SPRED1: variants seen among roughly 807,000 people sequenced by gnomAD.
The protein encoded by SPRED1 is sprouty-related, EVH1 domain-containing protein 1.
A neutral mutation model predicts 52.3 loss-of-function variants in SPRED1; 18 were observed. The observed-to-expected ratio is 0.34, with a 90% CI of 0.24 to 0.51. The LOEUF (loss-of-function observed/expected upper bound fraction) is 0.51, where lower values mean the gene tolerates loss of function less well. SPRED1 is among the 20% of genes least tolerant of loss of function. The pLI is 0.97. For synonymous variants in SPRED1, 155 were observed against 179.7 expected (o/e 0.86, Z 1.10); for missense variants, 485 against 551.0 (o/e 0.88, Z 1.20).
At chr15:38,291,564 C>T (rs959436025) in intron 1 of SPRED1, among the ~76,000 whole-genome samples, 3 of 152,216 alleles carry the variant, frequency 2.0e-5, no homozygotes, top group Admixed American at 6.5e-5. Context: ...CCAGGTGTTT[C>T]CATATATCTT....
chr15:38,273,800 G>A (rs371196498), intron 1 of SPRED1, among the ~76,000 whole-genome samples: 5 of 152,168 alleles, frequency 3.3e-5, no homozygotes, highest in East Asian at 3.9e-4. Context: ...GAAGACGAAG[G>A]GAGGATTTTA....
intron 4 of SPRED1, among the ~76,000 whole-genome samples, chr15:38,329,913 T>C (rs1895776120): frequency 6.6e-6 from 1 of 152,184 alleles, no homozygotes; most frequent in African/African-American, 2.4e-5. Flanking sequence ...TGATCTTAGC[T>C]ATTACATTAT....
chr15:38,310,211 G>T (rs1335658813), intron 2 of SPRED1, among the ~76,000 whole-genome samples: 1 of 149,678 alleles, frequency 6.7e-6, no homozygotes, highest in Non-Finnish European at 1.5e-5. Context: ...CGCGATCTCG[G>T]CTCATTGCAA....
At chr15:38,335,175 C>T (rs1000419176) in intron 4 of SPRED1, among the ~76,000 whole-genome samples, 3 of 151,988 alleles carry the variant, frequency 2.0e-5, no homozygotes, top group African/African-American at 7.2e-5. Flanking sequence ...TTTCTATGTA[C>T]TGTGTAAATT....
intron 1 of SPRED1, 35 bp from the exon 2 acceptor site, chr15:38,299,338 G>GA: frequency 1.2e-6 from 2 of 1,612,584 alleles, no homozygotes; most frequent in Non-Finnish European, 1.7e-6. Context: ...TTTGTTTATG[G>GA]AAAAGCTAAT....
At position 38,351,250 on chromosome 15, in the gene SPRED1, CTCTGTGGTATTTAAGACGCAGCCT is replaced by C; in HGVS notation, c.924_947del (p.Val309_Ser316del). ...AGACTAAGTTAAGTTCACCCAAAGA[CTCTGTGGTATTTAAGACGCAGCCT>C]TCCTCATTAAAAATTAAGAAGTCAA... On this transcript the variant is annotated inframe_deletion, in exon 7 of 7. Transcript: ENST00000299084. 6.2e-7 allele frequency: 1 copy of C among 1,614,094 alleles called. No homozygotes were observed. The highest frequency in any genetic ancestry group is 8.5e-7 in the Non-Finnish European group (1 of 1,180,010).
chr15:38,310,115 T>TTGTGTGTGTGTG (rs767218956), intron 2 of SPRED1, among the ~76,000 whole-genome samples: 7 of 23,186 alleles, frequency 3.0e-4, no homozygotes, highest in Non-Finnish European at 5.8e-4. Flanking sequence ...AGACTATTCT[T>TTGTGTGTGTGTG]TGTGTGTGTG....
At chr15:38,324,689 TAATC>T in intron 3 of SPRED1, 70 bp from the exon 4 acceptor site, 1 of 1,139,222 alleles carries the variant, frequency 8.8e-7, no homozygotes, top group Non-Finnish European at 1.3e-6. Context: ...TATAATGACA[TAATC>T]AATTAGTCAT....
At chr15:38,343,236 A>G (rs1896063690) in intron 5 of SPRED1, among the ~76,000 whole-genome samples, 1 of 152,138 alleles carries the variant, frequency 6.6e-6, no homozygotes, top group African/African-American at 2.4e-5. Flanking sequence ...GAGAGGAAAC[A>G]AAGATGATGT....
chr15:38,277,306 C>G (rs946119176), intron 1 of SPRED1, among the ~76,000 whole-genome samples: 3 of 152,048 alleles, frequency 2.0e-5, no homozygotes, highest in South Asian at 4.1e-4. Flanking sequence ...GTGTCTGTTC[C>G]CTTCTTTGTG....
intron 2 of SPRED1, among the ~76,000 whole-genome samples, chr15:38,319,122 A>G (rs1180978099): frequency 6.6e-6 from 1 of 152,146 alleles, no homozygotes; most frequent in Non-Finnish European, 1.5e-5. Flanking sequence ...AACTAGAATC[A>G]AACTGTTTTT....
Position 38,323,260 on chromosome 15 carries a change from A to G in SPRED1, c.376+851A>G, listed in dbSNP as rs1200840946. On this transcript the variant is annotated intron_variant, in intron 3 of 6. Coordinates refer to ENST00000299084, the MANE Select transcript of SPRED1 (RefSeq NM_152594.3). ...TTGTACAAATCTGTTTTGATAGTGC[A>G]TAAAACTGTAGTTAAGTAATTTATT... Among the ~76,000 whole-genome samples the G allele has an allele frequency of 2.0e-5, 3 of 152,194 alleles. No homozygotes were observed. In the East Asian group the frequency reaches 5.8e-4, roughly 29 times the overall value.
chr15:38,329,598 A>G (rs545110271), intron 4 of SPRED1, among the ~76,000 whole-genome samples: 2 of 152,166 alleles, frequency 1.3e-5, no homozygotes, highest in African/African-American at 2.4e-5. Context: ...TTATTGCCCA[A>G]TAAGAGAGCA....
rs961981285 is a variant in SPRED1 at position 38,356,824 on chromosome 15, A to G, written c.*5160A>G. Reference sequence around the variant, plus strand: ...CAAAAATAACGAATAATCTAAAGGAAAGGTTATTAGGACAGTAATAAAAAA... The same window carrying G: ...CAAAAATAACGAATAATCTAAAGGAGAGGTTATTAGGACAGTAATAAAAAA... On this transcript the variant is annotated 3_prime_UTR_variant, in exon 7 of 7. Coordinates refer to ENST00000299084, the MANE Select transcript of SPRED1 (RefSeq NM_152594.3). 1 of 152,108 alleles carries G rather than the reference A, an allele frequency of 6.6e-6. No individual in the cohort carries two copies. Among genetic ancestry groups the G allele is most frequent in the Non-Finnish European group, 1.5e-5 (1 of 67,974 alleles). 9.4% of individuals were successfully genotyped at this position (152,108 alleles called of 1,614,324 possible). A position where few individuals can be genotyped will look rare whatever the true frequency, so the allele number is the denominator to read the frequency against.
chr15:38,316,450 C>T (rs1158310565), intron 2 of SPRED1, among the ~76,000 whole-genome samples: 2 of 151,940 alleles, frequency 1.3e-5, no homozygotes, highest in African/African-American at 4.8e-5. Flanking sequence ...AAAATATTTA[C>T]CTTGCTAGTA....
chr15:38,304,127 A>G (rs756002850), intron 2 of SPRED1, among the ~76,000 whole-genome samples: 1 of 152,228 alleles, frequency 6.6e-6, no homozygotes, highest in Non-Finnish European at 1.5e-5. Flanking sequence ...TAGGAAGAAA[A>G]TAATGTGGTT....
At position 38,355,544 on chromosome 15, in the gene SPRED1, T is replaced by C. The variant is rs1888599521; in HGVS notation, c.*3880T>C. On this transcript the variant is annotated 3_prime_UTR_variant, in exon 7 of 7. Coordinates refer to ENST00000299084, the MANE Select transcript of SPRED1 (RefSeq NM_152594.3). The stretch of plus-strand genomic sequence containing the variant: ...AATGTGCTTTCCTCTAAATGGTCAA[T>C]GTAAAGAATCTTAAGGATATTTCTT... 6.6e-6 allele frequency: 1 copy of C among 152,222 alleles called. No homozygotes were observed. Among genetic ancestry groups the C allele is most frequent in the African/African-American group, 2.4e-5 (1 of 41,464 alleles). 9.4% of individuals were successfully genotyped at this position (152,222 alleles called of 1,614,324 possible).
At chr15:38,275,408 C>T (rs372278449) in intron 1 of SPRED1, among the ~76,000 whole-genome samples, 104 of 152,282 alleles carry the variant, frequency 6.8e-4, no homozygotes, top group African/African-American at 2.4e-3. Flanking sequence ...CTTAAAGAAG[C>T]TCTAGTTCCT....
At chr15:38,304,977 T>C (rs985046045) in intron 2 of SPRED1, among the ~76,000 whole-genome samples, 4 of 152,228 alleles carry the variant, frequency 2.6e-5, no homozygotes, top group Non-Finnish European at 5.9e-5. Context: ...CTAAGTTTTT[T>C]TTAACCTTAG....
Sources: gnomAD v4.1 joint callset for allele counts (sites outside exome capture counted in the v4.1 genomes callset) on GRCh38, gnomAD v4.1.1 for gene constraint, MANE v1.5 for transcripts, NCBI Gene and HGNC (gene_info 2026-07-23, HGNC 2026-07-21) for gene names.